The following CRTAC1 variants were observed in gnomAD, a reference collection of about 807,000 sequenced individuals.
The protein encoded by CRTAC1 is cartilage acidic protein 1.
Under a neutral mutation model 67.8 loss-of-function variants are expected in CRTAC1, and 37 were observed. The observed-to-expected ratio is 0.55, with a 90% CI of 0.42 to 0.72. CRTAC1 has a LOEUF of 0.72. CRTAC1 is among the 30% of genes least tolerant of loss of function. The probability of loss-of-function intolerance (pLI) is 0.00; values close to 1 mark genes in which losing one functional copy is unlikely to be tolerated. For synonymous variants in CRTAC1, 348 were observed against 371.0 expected (o/e 0.94, Z 0.71); for missense variants, 780 against 931.6 (o/e 0.84, Z 2.12).
At chr10:98,007,896 G>A (rs1331587549) in intron 2 of CRTAC1, among the ~76,000 whole-genome samples, 5 of 152,216 alleles carry the variant, frequency 3.3e-5, no homozygotes, top group Non-Finnish European at 5.9e-5. Flanking sequence ...TCATTGAAGA[G>A]GAAGACGAAA....
intron 1 of CRTAC1, among the ~76,000 whole-genome samples, chr10:98,017,028 G>C (rs907356586): frequency 2.6e-5 from 4 of 152,072 alleles, no homozygotes; most frequent in African/African-American, 9.7e-5. Flanking sequence ...TGAATCCTTG[G>C]GGAGAATGGT....
intron 13 of CRTAC1, 57 bp from the exon 14 acceptor site, chr10:97,880,449 A>G (rs2136537190): frequency 1.9e-6 from 3 of 1,595,062 alleles, no homozygotes; most frequent in South Asian, 1.1e-5. Flanking sequence ...GTACCAGCCC[A>G]GGCTCTGCCT....
intron 11 of CRTAC1, among the ~76,000 whole-genome samples, chr10:97,887,227 G>GTTTTTTTTTTTTTTTTTTTTTT (rs71007369): frequency 3.9e-5 from 5 of 127,960 alleles, no homozygotes; most frequent in Non-Finnish European, 6.5e-5. Flanking sequence ...CGGCACTTAG[G>GTTTTTTTTTTTTTTTTTTTTTT]TTTTTTTTTT....
chr10:97,886,199 G>A (rs980336768), intron 11 of CRTAC1, among the ~76,000 whole-genome samples: 3 of 152,156 alleles, frequency 2.0e-5, no homozygotes, highest in African/African-American at 4.8e-5. Flanking sequence ...AGGGAGTTAC[G>A]CCTTGTGAGC....
At chr10:97,935,213 G>C (rs472576) in intron 3 of CRTAC1, among the ~76,000 whole-genome samples, 64,705 of 152,090 alleles carry the variant, frequency 0.43, 13,899 homozygotes, top group Non-Finnish European at 0.45. Flanking sequence ...CCTCTTTGTG[G>C]CTCAGTTTCC....
chr10:97,873,577 C>A (rs907340137), intron 14 of CRTAC1, among the ~76,000 whole-genome samples: 1 of 152,100 alleles, frequency 6.6e-6, no homozygotes, highest in Non-Finnish European at 1.5e-5. Flanking sequence ...GTTCCAGGAG[C>A]TCTACAGCCA....
At chr10:97,870,655 C>T (rs1266636074) in intron 14 of CRTAC1, 1 of 152,182 alleles carries the variant, frequency 6.6e-6, no homozygotes, top group East Asian at 1.9e-4. Context: ...AAAGAAAGGA[C>T]ACACTTGAAA....
chr10:97,907,961 T>G (rs1262752493), intron 6 of CRTAC1, 52 bp downstream of exon 6: 1 of 1,604,218 alleles, frequency 6.2e-7, no homozygotes, highest in Non-Finnish European at 8.5e-7. Context: ...GAGTCCTCTG[T>G]GGGTCTGGGG....
intron 3 of CRTAC1, among the ~76,000 whole-genome samples, chr10:97,935,332 AC>A (rs1178476019): frequency 5.9e-5 from 9 of 152,220 alleles, no homozygotes; most frequent in African/African-American, 1.9e-4. Flanking sequence ...AATAGGTGCT[AC>A]TTAAGTATTA....
chr10:97,919,033 C>T (rs540274011), intron 4 of CRTAC1, among the ~76,000 whole-genome samples: 1 of 8,250 alleles, frequency 1.2e-4, no homozygotes, highest in Admixed American at 1.9e-3. Flanking sequence ...GATCCACCAC[C>T]CCCCCCCGCC....
At chr10:97,940,006 A>G (rs2051148760) in intron 2 of CRTAC1, among the ~76,000 whole-genome samples, 1 of 152,218 alleles carries the variant, frequency 6.6e-6, no homozygotes, top group Non-Finnish European at 1.5e-5. Flanking sequence ...GCCTGAAACA[A>G]TGCTTGGCAC....
intron 4 of CRTAC1, among the ~76,000 whole-genome samples, chr10:97,921,291 T>C (rs1026755160): frequency 6.6e-5 from 10 of 152,110 alleles, no homozygotes; most frequent in Admixed American, 2.0e-4. Context: ...GTAGGGGCTA[T>C]GGGGCTATGG....
intron 13 of CRTAC1, among the ~76,000 whole-genome samples, chr10:97,882,034 T>G (rs1225933153): frequency 6.6e-6 from 1 of 152,226 alleles, no homozygotes; most frequent in Non-Finnish European, 1.5e-5. Flanking sequence ...CCATTGGTTT[T>G]CAGCTCCTGA....
At chr10:97,902,133 A>G (rs1178534255) in intron 7 of CRTAC1, among the ~76,000 whole-genome samples, 9 of 152,184 alleles carry the variant, frequency 5.9e-5, no homozygotes. Context: ...ATCTAAATCC[A>G]GGCTCCACCA....
rs111596078 is a variant in CRTAC1, at chr10:97,975,790, G to A, written c.224+35348C>T. ...TGCTCCTCCGCCCTCTGTGCCAAGA[G>A]CCTCTCCACCTGCCAGGGAAGCTAC... On this transcript the variant is annotated intron_variant, in intron 2 of 14. Coordinates refer to ENST00000370597, the MANE Select transcript of CRTAC1 (RefSeq NM_018058.7). This position sits in a 1 kb window ranked among gnomAD's most constrained non-coding sequence, Gnocchi z 4.8. Among the ~76,000 whole-genome samples the A allele has an allele frequency of 3.3e-5, 5 of 152,326 alleles. 1 individual carries two copies. The highest frequency in any genetic ancestry group is 2.1e-4 in the South Asian group (1 of 4,832).
At chr10:97,937,082 A>G (rs2051101394) in intron 2 of CRTAC1, among the ~76,000 whole-genome samples, 2 of 152,206 alleles carry the variant, frequency 1.3e-5, no homozygotes, top group South Asian at 2.1e-4. Context: ...AAGTTATTAG[A>G]CAGACCTGCT....
chr10:97,948,911 G>A (rs1019737722), intron 2 of CRTAC1, among the ~76,000 whole-genome samples: 2 of 152,178 alleles, frequency 1.3e-5, no homozygotes, highest in East Asian at 3.9e-4. Context: ...GTGGGGGAAA[G>A]CCCCTTTTAA....
intron 4 of CRTAC1, among the ~76,000 whole-genome samples, chr10:97,922,613 C>T (rs1191124593): frequency 6.6e-6 from 1 of 152,244 alleles, no homozygotes; most frequent in African/African-American, 2.4e-5. Context: ...GGGTGGGCGG[C>T]TGCCCCCTCA....
intron 3 of CRTAC1, among the ~76,000 whole-genome samples, chr10:97,926,313 A>G (rs1371827466): frequency 6.6e-6 from 1 of 152,178 alleles, no homozygotes; most frequent in Non-Finnish European, 1.5e-5. Flanking sequence ...GTTAGCTGCG[A>G]GGCCCCAGGT....
Sources: gnomAD v4.1 joint callset for allele counts (sites outside exome capture counted in the v4.1 genomes callset) on GRCh38, gnomAD v4.1.1 for gene constraint, Gnocchi (gnomAD v3.1) non-coding constraint, MANE v1.5 for transcripts, NCBI Gene and HGNC (gene_info 2026-07-23, HGNC 2026-07-21) for gene names.